TAFA1: variants seen among roughly 807,000 people sequenced by gnomAD.
The protein encoded by TAFA1 is TAFA chemokine like family member 1.
Under a neutral mutation model 18.5 loss-of-function variants are expected in TAFA1, and 4 were observed. The observed-to-expected ratio is 0.22, with a 90% CI of 0.11 to 0.49. The LOEUF is 0.49. Ranked by LOEUF, TAFA1 falls within the 20% of genes least tolerant of loss-of-function variation. The probability of loss-of-function intolerance (pLI) is 0.98; values close to 1 mark genes in which losing one functional copy is unlikely to be tolerated. For synonymous variants in TAFA1, 56 were observed against 55.2 expected (o/e 1.01, Z -0.06); for missense variants, 147 against 169.0 (o/e 0.87, Z 0.72).
chr3:68,098,298 G>C (rs1382870383), intron 2 of TAFA1, among the ~76,000 whole-genome samples: 1 of 151,922 alleles, frequency 6.6e-6, no homozygotes, highest in Non-Finnish European at 1.5e-5. Context: ...CTAAATGACT[G>C]GTGTCTTCTT....
At chr3:68,358,158 T>A (rs2069399699) in intron 2 of TAFA1, among the ~76,000 whole-genome samples, 1 of 151,996 alleles carries the variant, frequency 6.6e-6, no homozygotes, top group Non-Finnish European at 1.5e-5. Flanking sequence ...CAACTAAGTG[T>A]ATGTATTTTC....
Position 68,352,542 on chromosome 3 carries a change from C to T in TAFA1, c.119-64738C>T, listed in dbSNP as rs536942897. The stretch of plus-strand genomic sequence containing the variant: ...ATATCTGAGCTGACAAGAGTTTTCT[C>T]CAGTAAAGGAGAATTTATATTCCAT... On this transcript the variant is annotated intron_variant, in intron 2 of 4. Transcript: ENST00000478136. Among the ~76,000 whole-genome samples the T allele has an allele frequency of 9.2e-5, 14 of 152,062 alleles. No homozygotes were observed. The South Asian group carries it at 1.0e-3, about 11-fold the overall frequency.
chr3:68,022,768 G>GA (rs560102295), intron 2 of TAFA1, among the ~76,000 whole-genome samples: 2 of 142,630 alleles, frequency 1.4e-5, no homozygotes, highest in Admixed American at 7.0e-5. Flanking sequence ...AGCTGGCTTT[G>GA]AAAAAAAATA....
chr3:68,087,271 T>A (rs1049452605), intron 2 of TAFA1, among the ~76,000 whole-genome samples: 11 of 152,112 alleles, frequency 7.2e-5, no homozygotes, highest in African/African-American at 2.7e-4. Flanking sequence ...GTTTGGGAAG[T>A]TTTTTGTTGG....
At chr3:68,360,164 A>G (rs1010013412) in intron 2 of TAFA1, among the ~76,000 whole-genome samples, 1 of 151,958 alleles carries the variant, frequency 6.6e-6, no homozygotes, top group African/African-American at 2.4e-5. Flanking sequence ...TCCTCATGCT[A>G]AATGTCGTGG....
At chr3:68,309,732 C>T (rs902195756) in intron 2 of TAFA1, among the ~76,000 whole-genome samples, 2 of 152,172 alleles carry the variant, frequency 1.3e-5, no homozygotes, top group African/African-American at 4.8e-5. Flanking sequence ...TGTATTGGCC[C>T]ACAGAGTTGA....
At chr3:68,089,027 G>A (rs2065002857) in intron 2 of TAFA1, among the ~76,000 whole-genome samples, 2 of 152,148 alleles carry the variant, frequency 1.3e-5, no homozygotes, top group African/African-American at 4.8e-5. Context: ...TTCACTGAGT[G>A]GAGTGTCCTG....
chr3:68,208,888 C>A (rs2066560366), intron 2 of TAFA1, among the ~76,000 whole-genome samples: 1 of 151,864 alleles, frequency 6.6e-6, no homozygotes, highest in Non-Finnish European at 1.5e-5. Flanking sequence ...CAGGCCTGGC[C>A]TAATTAGGTG....
At chr3:68,516,174 G>C (rs1486527149) in intron 3 of TAFA1, among the ~76,000 whole-genome samples, 2 of 152,166 alleles carry the variant, frequency 1.3e-5, no homozygotes. Flanking sequence ...ATTGTAGGTT[G>C]CTCATCCCAA....
In TAFA1 at chr3:68,134,482, T is replaced by G. The variant is rs566952124; in HGVS notation, c.118+127738T>G. Among the ~76,000 whole-genome samples, 12 of 152,308 alleles carry G rather than the reference T, an allele frequency of 7.9e-5. No individual in the cohort carries two copies. In the East Asian group the frequency reaches 2.3e-3, roughly 29 times the overall value. ...CCACTGACATTTAGACAAACAAATT[T>G]AATTTTGGGTTCTTGTTTTCTTCAG... On this transcript the variant is annotated intron_variant, in intron 2 of 4. Transcript: ENST00000478136.
chr3:68,043,627 T>TC, intron 2 of TAFA1, among the ~76,000 whole-genome samples: 1 of 152,314 alleles, frequency 6.6e-6, no homozygotes, highest in Non-Finnish European at 1.5e-5. Flanking sequence ...TTGCCTTTTT[T>TC]CCCTCTGAAT....
intron 4 of TAFA1, among the ~76,000 whole-genome samples, chr3:68,539,688 T>TGGGGG (rs1184533157): frequency 2.4e-4 from 3 of 12,434 alleles, no homozygotes; most frequent in South Asian, 3.0e-3. Context: ...TGGGGGGGCA[T>TGGGGG]GGGGTGGGTG....
At chr3:68,249,183 T>G (rs2067142901) in intron 2 of TAFA1, among the ~76,000 whole-genome samples, 1 of 152,090 alleles carries the variant, frequency 6.6e-6, no homozygotes, top group Admixed American at 6.5e-5. Flanking sequence ...TTTGCTCAGG[T>G]GACTAAAATA....
chr3:68,012,256 A>G (rs575926468), intron 2 of TAFA1, among the ~76,000 whole-genome samples: 1 of 152,318 alleles, frequency 6.6e-6, no homozygotes, highest in East Asian at 1.9e-4. Flanking sequence ...ATACTAAGAA[A>G]ATTATTAGAC....
chr3:68,246,181 A>G (rs910852569), intron 2 of TAFA1, among the ~76,000 whole-genome samples: 5 of 152,166 alleles, frequency 3.3e-5, no homozygotes, highest in Non-Finnish European at 7.3e-5. Context: ...GTGTCCAAAC[A>G]AACCTCCCAG....
At chr3:68,109,277 G>A (rs907567563) in intron 2 of TAFA1, among the ~76,000 whole-genome samples, 1 of 152,090 alleles carries the variant, frequency 6.6e-6, no homozygotes, top group Non-Finnish European at 1.5e-5. Context: ...GATTGCCATA[G>A]GAAGGCTGAT....
At chr3:68,457,542 C>T (rs2071687902) in intron 3 of TAFA1, among the ~76,000 whole-genome samples, 1 of 152,046 alleles carries the variant, frequency 6.6e-6, no homozygotes, top group Non-Finnish European at 1.5e-5. Context: ...TGCTCAAGGG[C>T]CAACTGTATA....
At chr3:68,000,629 C>T (rs1704273486), upstream of TAFA1, among the ~76,000 whole-genome samples, 2 of 152,180 alleles carry the variant, frequency 1.3e-5, no homozygotes, top group South Asian at 4.1e-4. Context: ...TTTTAAGTAA[C>T]AGGAGTGACA....
intron 3 of TAFA1, among the ~76,000 whole-genome samples, chr3:68,473,524 C>G (rs904887816): frequency 6.6e-6 from 1 of 152,074 alleles, no homozygotes; most frequent in African/African-American, 2.4e-5. Context: ...AGTGGTCTTA[C>G]TAGCAGGTAG....
Sources: allele counts gnomAD v4.1 joint callset (sites outside exome capture counted in the v4.1 genomes callset), GRCh38; gene constraint gnomAD v4.1.1; transcripts MANE v1.5; gene names NCBI Gene and HGNC (gene_info 2026-07-23, HGNC 2026-07-21).